The following LRRC4B variants were observed in gnomAD, a reference collection of about 807,000 sequenced individuals.
The protein encoded by LRRC4B is leucine rich repeat containing 4B, also known as leucine-rich repeat-containing protein 4B.
Under a neutral mutation model 7.3 loss-of-function variants are expected in LRRC4B, and 1 was observed. The observed-to-expected ratio is 0.14, with a 90% CI of 0.05 to 0.65. LRRC4B has a LOEUF of 0.65. LRRC4B is among the 30% of genes least tolerant of loss of function. The pLI is 0.84. For missense variants in LRRC4B, 730 were observed against 1,041.6 expected (o/e 0.70, Z 4.12); for synonymous variants, 500 against 499.2 (o/e 1.00, Z -0.02).
At chr19:50,554,939 CTG>C (rs976099997) in intron 1 of LRRC4B, among the ~76,000 whole-genome samples, 5 of 152,312 alleles carry the variant, frequency 3.3e-5, no homozygotes, top group African/African-American at 1.2e-4. Flanking sequence ...TGGAGGCTGC[CTG>C]TGTGTGGGGG....
At chr19:50,545,830 C>G (rs1981780206) in intron 2 of LRRC4B, among the ~76,000 whole-genome samples, 2 of 151,122 alleles carry the variant, frequency 1.3e-5, no homozygotes, top group South Asian at 2.1e-4. Context: ...CTCAAGCAAG[C>G]CTCCCACCTC....
intron 2 of LRRC4B, among the ~76,000 whole-genome samples, chr19:50,527,026 GTAT>G (rs1980839573): frequency 9.0e-6 from 1 of 111,008 alleles, no homozygotes; most frequent in Non-Finnish European, 1.9e-5. Context: ...GCTAATTTTT[GTAT>G]TTTTGTATTT....
intron 1 of LRRC4B, among the ~76,000 whole-genome samples, chr19:50,552,655 T>TCTGTCCATCCAC (rs1473357609): frequency 1.4e-5 from 1 of 73,172 alleles, no homozygotes; most frequent in African/African-American, 8.0e-5. Context: ...CGTCCATCCA[T>TCTGTCCATCCAC]CCATCCATCC....
chr19:50,546,780 G>T (rs1020930427), intron 2 of LRRC4B, among the ~76,000 whole-genome samples: 2 of 152,184 alleles, frequency 1.3e-5, no homozygotes, highest in Non-Finnish European at 2.9e-5. Context: ...TTCTACGACG[G>T]GGATGTTGCC....
rs1319905565 is a variant in LRRC4B, at chr19:50,530,928, T to TGC, written c.298-11514_298-11513insGC. 3.7e-3 allele frequency among the ~76,000 whole-genome samples: 413 copies of TGC among 111,764 alleles called. 4 individuals are homozygous for TGC. The highest frequency in any genetic ancestry group is 5.9e-3 in the Non-Finnish European group (322 of 54,680). The allele number at this position is 111,764 out of a possible 152,430, so 73.3% of individuals were successfully genotyped here. A position where few individuals can be genotyped will look rare whatever the true frequency, so the allele number is the denominator to read the frequency against. ...ATTTTTTGTATTTTTAGTAGAAACC[T>TGC]GGGGGGGGGGGGTCTCTCTATGTTG... On this transcript the variant is annotated intron_variant, in intron 2 of 2. Coordinates refer to ENST00000652263, the MANE Select transcript of LRRC4B (RefSeq NM_001080457.2).
At chr19:50,534,882 T>G (rs998261912) in intron 2 of LRRC4B, among the ~76,000 whole-genome samples, 8 of 152,208 alleles carry the variant, frequency 5.3e-5, no homozygotes, top group African/African-American at 1.9e-4. Flanking sequence ...TTTATATTTA[T>G]TTATTTATTT....
Position 50,517,476 on chromosome 19 carries a change from C to A in LRRC4B, c.*95G>T. 1 of 1,153,764 alleles carries A rather than the reference C, an allele frequency of 8.7e-7. No individual in the cohort carries two copies. The highest frequency in any genetic ancestry group is 1.1e-6 in the Non-Finnish European group (1 of 892,066). The allele number at this position is 1,153,764 out of a possible 1,614,324, so 71.5% of individuals were successfully genotyped here. ...TCCCTGCGTGGTCCCAGAAGGTGGG[C>A]TGGGCTGTGGGAGGGAGGGGTCCCG... On this transcript the variant is annotated 3_prime_UTR_variant, in exon 3 of 3. Transcript: ENST00000652263. This position sits in a 1 kb window ranked among gnomAD's most constrained non-coding sequence, Gnocchi z 6.6.
chr19:50,566,607 G>A (rs1982638495), intron 1 of LRRC4B, among the ~76,000 whole-genome samples: 1 of 151,630 alleles, frequency 6.6e-6, no homozygotes, highest in Non-Finnish European at 1.5e-5. Context: ...GCCATCCTGG[G>A]CTCTGGAGAC....
intron 2 of LRRC4B, among the ~76,000 whole-genome samples, chr19:50,526,645 C>T (rs1338802665): frequency 6.6e-6 from 1 of 152,168 alleles, no homozygotes; most frequent in Non-Finnish European, 1.5e-5. Flanking sequence ...GAGTTCCAGA[C>T]TAGCCTAGGC....
chr19:50,518,946 C>A lies in LRRC4B; in HGVS notation c.767G>T (p.Arg256Leu). Reference protein sequence around the residue: ...PGSFQGLTSLRKLWLMHAQVA... With the variant: ...PGSFQGLTSLLKLWLMHAQVA... ...CTGGGCGTGCATGAGCCACAGCTTG[C>A]GCAGGCTGGTGAGACCCTGGAAGGA... The change falls in exon 3 of 3, where the codon CGC (arginine) becomes CTC (leucine). Residue 256 changes from arginine (R) to leucine (L), a missense_variant. Around this residue, in one of 6 missense-constraint regions of LRRC4B, gnomAD observed 226 missense variants for 448.0 expected, o/e 0.50. Transcript: ENST00000652263. The A allele has an allele frequency of 2.5e-6, 4 of 1,613,920 alleles. No individual in the cohort carries two copies. In the South Asian group the frequency reaches 3.3e-5, roughly 13 times the overall value.
chr19:50,542,184 G>A (rs1981578384), intron 2 of LRRC4B, among the ~76,000 whole-genome samples: 1 of 152,200 alleles, frequency 6.6e-6, no homozygotes, highest in East Asian at 1.9e-4. Context: ...AAAAGGGAGG[G>A]AAGGAGGAAG....
At chr19:50,560,898 G>A (rs927077981) in intron 1 of LRRC4B, among the ~76,000 whole-genome samples, 7 of 152,036 alleles carry the variant, frequency 4.6e-5, no homozygotes, top group Non-Finnish European at 7.4e-5. Flanking sequence ...AGACCAGGCC[G>A]GCCAACACAG....
At chr19:50,565,710 G>A (rs1001913112) in intron 1 of LRRC4B, among the ~76,000 whole-genome samples, 1 of 151,816 alleles carries the variant, frequency 6.6e-6, no homozygotes, top group African/African-American at 2.4e-5. Context: ...GTGTCCCCCG[G>A]CTCCCTGCTG....
At chr19:50,535,765 C>T (rs1429481351) in intron 2 of LRRC4B, among the ~76,000 whole-genome samples, 1 of 152,198 alleles carries the variant, frequency 6.6e-6, no homozygotes, top group Non-Finnish European at 1.5e-5. Flanking sequence ...TGTCTCCCTC[C>T]TCCCATTCAT....
chr19:50,530,038 C>T lies in LRRC4B; in HGVS notation c.298-10623G>A, dbSNP rs1199246500. Reference sequence around the variant, plus strand: ...CGGGGCTGCGGCCTTGCCCGTGGGTCGTGGGTCGGCCAGCAGGGCCAGGTG... The same window carrying T: ...CGGGGCTGCGGCCTTGCCCGTGGGTTGTGGGTCGGCCAGCAGGGCCAGGTG... On this transcript the variant is annotated intron_variant, in intron 2 of 2. Transcript: ENST00000652263. 6.6e-5 allele frequency among the ~76,000 whole-genome samples: 10 copies of T among 150,982 alleles called. No individual in the cohort carries two copies. The South Asian group carries it at 1.9e-3, about 29-fold the overall frequency.
intron 1 of LRRC4B, among the ~76,000 whole-genome samples, chr19:50,551,925 C>T (rs1289744218): frequency 6.6e-6 from 1 of 151,908 alleles, no homozygotes; most frequent in East Asian, 2.0e-4. Flanking sequence ...CTCCCTCCTC[C>T]TCAGCCTCCC....
intron 2 of LRRC4B, among the ~76,000 whole-genome samples, chr19:50,536,254 C>G (rs1975354241): frequency 6.6e-6 from 1 of 152,164 alleles, no homozygotes; most frequent in Admixed American, 6.5e-5. Context: ...CTGCCTCACC[C>G]TCCCGAGTAT....
chr19:50,543,136 A>G (rs769687431), intron 2 of LRRC4B, among the ~76,000 whole-genome samples: 6 of 151,988 alleles, frequency 3.9e-5, no homozygotes, highest in Non-Finnish European at 8.8e-5. Context: ...TCAGAGGCAA[A>G]CAACTGCTGG....
At chr19:50,543,238 C>A (rs749256821) in intron 2 of LRRC4B, among the ~76,000 whole-genome samples, 1 of 152,134 alleles carries the variant, frequency 6.6e-6, no homozygotes, top group East Asian at 1.9e-4. Flanking sequence ...GGCAGCGCGG[C>A]GGGGGACAGA....
Sources: gnomAD v4.1 joint callset for allele counts (sites outside exome capture counted in the v4.1 genomes callset) on GRCh38, gnomAD v4.1.1 for gene constraint, gnomAD v4.1.1 regional missense constraint, Gnocchi (gnomAD v3.1) non-coding constraint, MANE v1.5 for transcripts, NCBI Gene and HGNC (gene_info 2026-07-23, HGNC 2026-07-21) for gene names.